FAM193B: variants seen among roughly 807,000 people sequenced by gnomAD.
The protein encoded by FAM193B is family with sequence similarity 193 member B.
FAM193B carries 27 observed loss-of-function variants against 70.7 expected under a neutral mutation model. The observed-to-expected ratio is 0.38, with a 90% confidence interval of 0.28 to 0.53. The LOEUF is 0.53. Among genes scored for constraint, FAM193B ranks in the 20% least tolerant of loss-of-function variants. The probability of loss-of-function intolerance (pLI) is 0.81; values close to 1 mark genes in which losing one functional copy is unlikely to be tolerated. For missense variants in FAM193B, 1,022 were observed against 1,072.5 expected, an observed-to-expected ratio of 0.95 and a Z score of 0.66; for synonymous variants, 448 against 436.0, an observed-to-expected ratio of 1.03 and a Z score of -0.34.
rs1561796889 is a variant in FAM193B at position 177,554,493 on chromosome 5, CG to C, written c.-36del. On this transcript the variant is annotated 5_prime_UTR_variant, in exon 1 of 9. Transcript: ENST00000514747. ...CGCGCCGCTCCCTCGCTCCACACGC[CG>C]CCGCCGCCGCCGCCGCCGCCGCCGC... 1 of 649,494 alleles carries C rather than the reference CG, an allele frequency of 1.5e-6. No homozygotes were observed. The highest frequency in any genetic ancestry group is 1.8e-6 in the Non-Finnish European group (1 of 570,484). 40.2% of individuals were successfully genotyped at this position (649,494 alleles called of 1,614,324 possible). A position where few individuals can be genotyped will look rare whatever the true frequency, so the allele number is the denominator to read the frequency against.
Position 177,536,385 on chromosome 5 carries a change from C to T in FAM193B, c.1049G>A (p.Ser350Asn), listed in dbSNP as rs776068886. ...HCSGPLLPPP[S>N]SQPLPSTHRD... The stretch of plus-strand genomic sequence containing the variant: ...GTGAGTGCTAGGGAGTGGCTGAGAG[C>T]TCGGGGGTGGGAGGAGAGGCCCACT... The change falls in exon 4 of 9, where the codon AGC becomes AAC. Residue 350 changes from serine (S) to asparagine (N), a missense_variant. By Grantham distance (46) the Ser-to-Asn change is conservative. Transcript: ENST00000514747. 6.8e-6 allele frequency: 11 copies of T among 1,609,392 alleles called. No individual in the cohort carries two copies. The highest frequency in any genetic ancestry group is 9.3e-6 in the Non-Finnish European group (11 of 1,178,762).
Position 177,538,896 on chromosome 5 carries a change from G to A in FAM193B, c.453+9C>T, listed in dbSNP as rs758488209. 1 of 1,613,220 alleles carries A rather than the reference G, an allele frequency of 6.2e-7. No homozygotes were observed. Among genetic ancestry groups the A allele is most frequent in the East Asian group, 2.2e-5 (1 of 44,848 alleles). ...CTGCATTCAGGGACCCCTGTCAGCG[G>A]TTACCTACCGCCACTGCATGTTCTC... is the stretch of plus-strand genomic sequence containing the variant. On this transcript the variant is annotated intron_variant, in intron 2 of 8. Coordinates refer to ENST00000514747, the MANE Select transcript of FAM193B (RefSeq NM_001190946.3). The surrounding 1 kb of genome is among the most constrained non-coding windows in gnomAD (Gnocchi z 4.1).
intron 8 of FAM193B, among the ~76,000 whole-genome samples, chr5:177,521,354 G>A (rs1042232431): frequency 6.6e-6 from 1 of 152,226 alleles, no homozygotes; most frequent in Non-Finnish European, 1.5e-5. Context: ...CTGTGTGGGT[G>A]GCTGGGAGGG....
intron 3 of FAM193B, 122 bp from the exon 4 acceptor site, chr5:177,536,867 G>C: frequency 7.6e-7 from 1 of 1,314,780 alleles, no homozygotes; most frequent in South Asian, 1.4e-5. Flanking sequence ...CTCAGCACAG[G>C]GGACCCTGGA....
rs370113154 is a variant in FAM193B, at chr5:177,525,157, G to T, written c.1324C>A (p.Arg442Ser). The T allele has an allele frequency of 6.6e-7, 1 of 1,515,652 alleles. No individual in the cohort carries two copies. The highest frequency in any genetic ancestry group is 2.4e-5 in the East Asian group (1 of 41,776). The allele number at this position is 1,515,652 out of a possible 1,614,324, so 93.9% of individuals were successfully genotyped here. Residue 442 changes from arginine to serine, a missense_variant, in exon 6 of 9, where the codon CGT (arginine) becomes AGT (serine). Physicochemically the swap from Arg to Ser is moderately radical, Grantham distance 110. Transcript: ENST00000514747. The stretch of plus-strand genomic sequence containing the variant: ...CTTGGCTCCCGGCTTCCAGAAACAC[G>T]ATTTGCCTGCTTTAGAGCTTCTGCT... ...LAAEALKQANRVSGSREPRPA... is the reference protein window; with the variant it reads ...LAAEALKQANSVSGSREPRPA...
chr5:177,540,936 T>A (rs1296214105), intron 1 of FAM193B, among the ~76,000 whole-genome samples: 1 of 152,208 alleles, frequency 6.6e-6, no homozygotes, highest in Non-Finnish European at 1.5e-5. Context: ...GAGTTAGCAT[T>A]AGGGTATCCT....
rs1761487442 is a variant in FAM193B at position 177,520,120 on chromosome 5, T to A, written c.*63A>T. 1 of 152,380 alleles carries A rather than the reference T, an allele frequency of 6.6e-6. No homozygotes were observed. The highest frequency in any genetic ancestry group is 6.5e-5 in the Admixed American group (1 of 15,280). The allele number at this position is 152,380 out of a possible 1,614,324, so 9.4% of individuals were successfully genotyped here. A position where few individuals can be genotyped will look rare whatever the true frequency, so the allele number is the denominator to read the frequency against. ...GTGGGGCACACGGAGGGAAAAATTA[T>A]ACGCCTTCAGCTGGCAGTCAGGGCC... is the stretch of plus-strand genomic sequence containing the variant. On this transcript the variant is annotated 3_prime_UTR_variant, in exon 9 of 9. Coordinates refer to ENST00000514747, the MANE Select transcript of FAM193B (RefSeq NM_001190946.3).
At chr5:177,554,119 G>A in intron 1 of FAM193B, 130 bp downstream of exon 1, 1 of 1,405,120 alleles carries the variant, frequency 7.1e-7, no homozygotes, top group Admixed American at 2.5e-5. Context: ...AAGCTTCGGC[G>A]CCGGACCCGG....
In FAM193B at chr5:177,524,506, G is replaced by A. The variant is rs781334951; in HGVS notation, c.1975C>T (p.Leu659=). The change falls in exon 6 of 9, where the codon CTA becomes TTA. Residue 659 remains leucine, a synonymous_variant. Coordinates refer to ENST00000514747, the MANE Select transcript of FAM193B (RefSeq NM_001190946.3). ...TGGCCCTTGGCACTGGGAACCTCTA[G>A]GCTGGCTGGGGGCCGGGGGGCTGGG... The part of the protein sequence containing the change: ...ASPAPRPPAS[L]EVPSAKGQVA... 14 of 1,612,968 alleles carry A rather than the reference G, an allele frequency of 8.7e-6. No individual in the cohort carries two copies. The highest frequency in any genetic ancestry group is 1.1e-5 in the Non-Finnish European group (13 of 1,179,742).
intron 8 of FAM193B, among the ~76,000 whole-genome samples, chr5:177,520,767 A>G (rs1304812453): frequency 6.6e-6 from 1 of 152,154 alleles, no homozygotes; most frequent in African/African-American, 2.4e-5. Context: ...GGTGGAGAAG[A>G]GGCAGGAGGC....
At chr5:177,550,359 C>T (rs895759823) in intron 1 of FAM193B, among the ~76,000 whole-genome samples, 1 of 152,152 alleles carries the variant, frequency 6.6e-6, no homozygotes, top group Admixed American at 6.5e-5. Context: ...AAGATAGGAA[C>T]TATCTTATCC....
At chr5:177,540,635 C>A (rs1462125920) in intron 1 of FAM193B, among the ~76,000 whole-genome samples, 1 of 152,196 alleles carries the variant, frequency 6.6e-6, no homozygotes, top group African/African-American at 2.4e-5. Context: ...ATGTGAGAGA[C>A]TTGTGGAGAA....
chr5:177,533,860 C>T (rs1419587192), intron 4 of FAM193B, among the ~76,000 whole-genome samples: 1 of 152,244 alleles, frequency 6.6e-6, no homozygotes, highest in Admixed American at 6.5e-5. Flanking sequence ...CCACGTTTCT[C>T]TCTATGCAAA....
Position 177,553,530 on chromosome 5 carries a change from C to T in FAM193B, c.210+719G>A, listed in dbSNP as rs1001569290. On this transcript the variant is annotated intron_variant, in intron 1 of 8. Transcript: ENST00000514747. ...ATCTCCTTTGCTCAAAAGAAAGTGA[C>T]CTTCTTCCAGGTGGCAAGCTGGAAG... is the stretch of plus-strand genomic sequence containing the variant. 7.0e-6 allele frequency: 8 copies of T among 1,143,136 alleles called. No homozygotes were observed. In the African/African-American group the frequency reaches 8.2e-5, roughly 12 times the overall value. The allele number at this position is 1,143,136 out of a possible 1,614,324, so 70.8% of individuals were successfully genotyped here.
At position 177,554,489 on chromosome 5, in the gene FAM193B, A is replaced by ACGCCGCGCCGACGCCGC. The variant is rs561538268; in HGVS notation, c.-32_-31insGCGGCGTCGGCGCGGCG. 1.7e-6 allele frequency: 1 copy of ACGCCGCGCCGACGCCGC among 601,182 alleles called. No individual in the cohort carries two copies. Among genetic ancestry groups the ACGCCGCGCCGACGCCGC allele is most frequent in the Non-Finnish European group, 2.0e-6 (1 of 494,082 alleles). The allele number at this position is 601,182 out of a possible 1,614,324, so 37.2% of individuals were successfully genotyped here. ...CGCTCGCGCCGCTCCCTCGCTCCAC[A>ACGCCGCGCCGACGCCGC]CGCCGCCGCCGCCGCCGCCGCCGCC... is the stretch of plus-strand genomic sequence containing the variant. On this transcript the variant is annotated 5_prime_UTR_variant, in exon 1 of 9. Transcript: ENST00000514747.
rs1398495818 is a variant in FAM193B at position 177,554,524 on chromosome 5, G to A, written c.-66C>T. On this transcript the variant is annotated 5_prime_UTR_variant, in exon 1 of 9. Transcript: ENST00000514747. ...CGCCGCCGCCGCCGCCGCCGCCGCC[G>A]CCGCCGCTACCGCTCCCCTCACAGG... 9 of 915,282 alleles carry A rather than the reference G, an allele frequency of 9.8e-6. No homozygotes were observed. Among genetic ancestry groups the A allele is most frequent in the Non-Finnish European group, 7.9e-6 (6 of 762,784 alleles). The allele number at this position is 915,282 out of a possible 1,614,324, so 56.7% of individuals were successfully genotyped here.
intron 1 of FAM193B, among the ~76,000 whole-genome samples, chr5:177,540,936 T>G (rs1296214105): frequency 6.6e-6 from 1 of 152,208 alleles, no homozygotes; most frequent in Non-Finnish European, 1.5e-5. Context: ...GAGTTAGCAT[T>G]AGGGTATCCT....
rs201128528 is a variant in FAM193B, at chr5:177,551,028, TCTCA to T, written c.210+3217_210+3220del. 6.3e-3 allele frequency among the ~76,000 whole-genome samples: 957 copies of T among 151,264 alleles called. 12 individuals are homozygous for T. Among genetic ancestry groups the T allele is most frequent in the African/African-American group, 0.022 (917 of 41,172 alleles). The stretch of plus-strand genomic sequence containing the variant: ...TTTTTTTTTTTTATAGAACCAGAGA[TCTCA>T]CTATGTCACCAATGCTGGTCTCAAA... On this transcript the variant is annotated intron_variant, in intron 1 of 8. Transcript: ENST00000514747.
At chr5:177,526,892 G>T (rs775702978) in intron 5 of FAM193B, among the ~76,000 whole-genome samples, 1 of 152,202 alleles carries the variant, frequency 6.6e-6, no homozygotes, top group Non-Finnish European at 1.5e-5. Context: ...TGAGTTTAGC[G>T]TACGTGAGAC....
Sources: gnomAD v4.1 joint callset for allele counts (sites outside exome capture counted in the v4.1 genomes callset) on GRCh38, gnomAD v4.1.1 for gene constraint, Gnocchi (gnomAD v3.1) non-coding constraint, MANE v1.5 for transcripts, NCBI Gene and HGNC (gene_info 2026-07-23, HGNC 2026-07-21) for gene names.